The following MUC7 variants were observed in gnomAD, a reference collection of about 807,000 sequenced individuals.
MUC7 encodes mucin-7.
MUC7 carries 2 observed loss-of-function variants against 2.5 expected under a neutral mutation model. The ratio of observed to expected loss-of-function variants is 0.81; its 90% CI spans 0.33 to 2.55. MUC7 has a LOEUF of 2.55. Ranked by LOEUF, MUC7 falls within the 30% of genes most tolerant of loss-of-function variation. The pLI is 0.11. For synonymous variants in MUC7, 133 were observed against 173.4 expected, an observed-to-expected ratio of 0.77 and a Z score of 1.83; for missense variants, 408 against 455.6, an observed-to-expected ratio of 0.90 and a Z score of 0.95.
chr4:70,433,081 T>G (rs1009126379), intron 1 of MUC7, among the ~76,000 whole-genome samples: 5 of 152,198 alleles, frequency 3.3e-5, no homozygotes, highest in African/African-American at 1.2e-4. Context: ...TCTGTTCCAT[T>G]GGTCTATATA....
intron 1 of MUC7, among the ~76,000 whole-genome samples, chr4:70,436,601 CT>C (rs1393334661): frequency 6.6e-6 from 1 of 152,154 alleles, no homozygotes; most frequent in Non-Finnish European, 1.5e-5. Flanking sequence ...TTCGTCTAAC[CT>C]TTTTTCAATG....
chr4:70,437,426 T>C (rs993831160), intron 1 of MUC7, among the ~76,000 whole-genome samples: 1 of 151,024 alleles, frequency 6.6e-6, no homozygotes, highest in Non-Finnish European at 1.5e-5. Context: ...GCCTCAGCAA[T>C]GGCAAATGCC....
chr4:70,481,036 A>G lies in MUC7; in HGVS notation c.292A>G (p.Ser98Gly). The stretch of plus-strand genomic sequence containing the variant: ...GCCACCTAAACATCCAGATAAAAAT[A>G]GCAGTGTGGTCAACCCTACCTTAGT... Reference protein sequence around the residue: ...HQPPKHPDKNSSVVNPTLVAT... With the variant: ...HQPPKHPDKNGSVVNPTLVAT... Residue 98 changes from serine to glycine, a missense_variant, in exon 3 of 3, where the codon AGC becomes GGC. Ser to Gly is a moderately conservative substitution (Grantham distance 56). Around this residue, in one of 3 missense-constraint regions of MUC7, gnomAD observed 225 missense variants for 240.5 expected, o/e 0.94. Transcript: ENST00000304887. The G allele has an allele frequency of 6.2e-7, 1 of 1,614,152 alleles. No homozygotes were observed. The highest frequency in any genetic ancestry group is 8.5e-7 in the Non-Finnish European group (1 of 1,180,024).
At chr4:70,446,969 G>T (rs1040116988) in intron 1 of MUC7, among the ~76,000 whole-genome samples, 8 of 148,906 alleles carry the variant, frequency 5.4e-5, no homozygotes, top group African/African-American at 2.0e-4. Flanking sequence ...CAAATATTTT[G>T]CCAAAAATAA....
rs527877207 is a variant in MUC7 at position 70,475,729 on chromosome 4, A to G, written c.54+1654A>G. Among the ~76,000 whole-genome samples the G allele has an allele frequency of 3.9e-5, 6 of 152,348 alleles. No homozygotes were observed. In the South Asian group the frequency reaches 1.0e-3, roughly 26 times the overall value. On this transcript the variant is annotated intron_variant, in intron 2 of 2. Coordinates refer to ENST00000304887, the MANE Select transcript of MUC7 (RefSeq NM_152291.3). Reference sequence around the variant, plus strand: ...TACCTGCAAGTATTTATTAAATTTTATTTTGACAAAATTTCAAATAAGAAT... The same window carrying G: ...TACCTGCAAGTATTTATTAAATTTTGTTTTGACAAAATTTCAAATAAGAAT...
intron 1 of MUC7, among the ~76,000 whole-genome samples, chr4:70,465,127 A>G (rs968729193): frequency 1.3e-5 from 2 of 152,210 alleles, no homozygotes; most frequent in East Asian, 3.9e-4. Flanking sequence ...GTGGACATCC[A>G]GCAAACTCCA....
At position 70,464,616 on chromosome 4, in the gene MUC7, T is replaced by TA. The variant is rs1263298790; in HGVS notation, c.-92-7592dup. On this transcript the variant is annotated intron_variant, in intron 1 of 3. Transcript: ENST00000413702. ...AGTAGGTGGTTTTCCCCTCACAGTGTAAAAAAAGCCACCAAGAGTTTGAAC... is the reference window on the plus strand; with the variant it reads ...AGTAGGTGGTTTTCCCCTCACAGTGTAAAAAAAAGCCACCAAGAGTTTGAAC... Among the ~76,000 whole-genome samples, 9 of 151,950 alleles carry TA rather than the reference T, an allele frequency of 5.9e-5. No homozygotes were observed. The East Asian group carries it at 1.7e-3, about 30-fold the overall frequency.
chr4:70,470,656 T>G (rs1471108163), upstream of MUC7, among the ~76,000 whole-genome samples: 1 of 152,186 alleles, frequency 6.6e-6, no homozygotes, highest in Non-Finnish European at 1.5e-5. Flanking sequence ...ATGAAAATTT[T>G]TCTATTGAAG....
chr4:70,457,015 A>C (rs778631715), intron 1 of MUC7, among the ~76,000 whole-genome samples: 1 of 148,624 alleles, frequency 6.7e-6, no homozygotes, highest in Non-Finnish European at 1.5e-5. Context: ...AAATAAATGT[A>C]AACACCAAAT....
At chr4:70,480,750 G>T in intron 2 of MUC7, 49 bp from the exon 3 acceptor site, 1 of 1,580,450 alleles carries the variant, frequency 6.3e-7, no homozygotes, top group South Asian at 1.2e-5. Flanking sequence ...TCACCTGATT[G>T]ATAAATGGAT....
At chr4:70,477,290 A>G (rs140035873) in intron 2 of MUC7, among the ~76,000 whole-genome samples, 2,545 of 152,162 alleles carry the variant, frequency 0.017, 82 homozygotes, top group South Asian at 0.16. Context: ...CACACCTGTA[A>G]TTCCAGCTTC....
At chr4:70,437,546 T>C (rs890661194) in intron 1 of MUC7, among the ~76,000 whole-genome samples, 80 of 152,170 alleles carry the variant, frequency 5.3e-4, no homozygotes, top group Admixed American at 5.0e-3. Context: ...GGAGAGAATC[T>C]CCTGGTCTGC....
upstream of MUC7, among the ~76,000 whole-genome samples, chr4:70,469,131 A>G (rs1052173569): frequency 1.3e-5 from 2 of 152,222 alleles, no homozygotes; most frequent in Non-Finnish European, 2.9e-5. Context: ...ATCTTTGACA[A>G]ACCTGAGAAA....
At chr4:70,433,531 G>A (rs72852784) in intron 1 of MUC7, among the ~76,000 whole-genome samples, 1 of 151,942 alleles carries the variant, frequency 6.6e-6, no homozygotes, top group African/African-American at 2.4e-5. Context: ...CTCTCAGTTT[G>A]TTATTGGTGT....
At chr4:70,474,394 C>A (rs1256130520) in intron 2 of MUC7, among the ~76,000 whole-genome samples, 1 of 152,004 alleles carries the variant, frequency 6.6e-6, no homozygotes, top group Non-Finnish European at 1.5e-5. Context: ...GTGGTGCGTG[C>A]CTGTAATCCC....
intron 1 of MUC7, among the ~76,000 whole-genome samples, chr4:70,473,298 G>T (rs1734891502): frequency 2.0e-5 from 3 of 152,022 alleles, no homozygotes; most frequent in African/African-American, 7.2e-5. Context: ...AATAGCAATA[G>T]CCAGGAGCGG....
chr4:70,462,567 G>A (rs1033333202), intron 1 of MUC7, among the ~76,000 whole-genome samples: 1 of 152,188 alleles, frequency 6.6e-6, no homozygotes, highest in Non-Finnish European at 1.5e-5. Context: ...TGATCATGCA[G>A]ATAAAACAGT....
intron 1 of MUC7, among the ~76,000 whole-genome samples, chr4:70,456,908 G>C (rs2071735568): frequency 1.3e-5 from 2 of 152,146 alleles, no homozygotes; most frequent in Admixed American, 6.6e-5. Flanking sequence ...AGGAGAAAAA[G>C]ATCTTCAAAG....
intron 2 of MUC7, 28 bp downstream of exon 2, chr4:70,474,103 C>T (rs1344078039): frequency 6.3e-7 from 1 of 1,595,654 alleles, no homozygotes; most frequent in Admixed American, 1.7e-5. Flanking sequence ...TAAGTTTTTT[C>T]CTTAACTATC....
Sources: allele counts gnomAD v4.1 joint callset (sites outside exome capture counted in the v4.1 genomes callset), GRCh38; gene constraint gnomAD v4.1.1; regional missense constraint gnomAD v4.1.1; transcripts MANE v1.5; gene names NCBI Gene and HGNC (gene_info 2026-07-23, HGNC 2026-07-21).